Variants in MSH5 observed in about 807,000 individuals in gnomAD.
MSH5 encodes the protein mutS homolog 5.
Under a neutral mutation model 107.7 loss-of-function variants are expected in MSH5, and 78 were observed. That is an observed-to-expected ratio of 0.72 (90% CI 0.60 to 0.87). The LOEUF is 0.87. MSH5 is among the 40% of genes least tolerant of loss of function. The pLI is 0.00. For missense variants in MSH5, 889 were observed against 1,046.6 expected (o/e 0.85, Z 2.08); for synonymous variants, 326 against 399.5 (o/e 0.82, Z 2.19).
At chr6:31,742,094 A>G (rs2151333199) in intron 3 of MSH5, among the ~76,000 whole-genome samples, 1 of 152,250 alleles carries the variant, frequency 6.6e-6, no homozygotes, top group South Asian at 2.1e-4. Context: ...ACACTATCAC[A>G]CTGGGGATTA....
At chr6:31,750,510 T>C (rs1809855163) in intron 10 of MSH5, among the ~76,000 whole-genome samples, 1 of 152,256 alleles carries the variant, frequency 6.6e-6, no homozygotes, top group Non-Finnish European at 1.5e-5. Context: ...TTGCTTATCT[T>C]TTAACGGTTT....
intron 5 of MSH5, 63 bp downstream of exon 5, chr6:31,743,233 C>CT: frequency 6.6e-7 from 1 of 1,521,794 alleles, no homozygotes; most frequent in Non-Finnish European, 9.1e-7. Context: ...TCCCCCAACT[C>CT]TACCTTCATC....
Position 31,741,385 on chromosome 6 carries a change from AT to A in MSH5, c.271+109del, listed in dbSNP as rs1226602653. ...CACACACACACACACACACACACAT[AT>A]TTTTTTTTTCTAGACAGAGTCTTGC... On this transcript the variant is annotated intron_variant, in intron 3 of 24. Transcript: ENST00000375750. The A allele has an allele frequency of 2.8e-3, 2,904 of 1,043,562 alleles. 14 individuals carry two copies. Among genetic ancestry groups the A allele is most frequent in the Middle Eastern group, 8.1e-3 (21 of 2,588 alleles). 64.6% of individuals were successfully genotyped at this position (1,043,562 alleles called of 1,614,324 possible). A position where few individuals can be genotyped will look rare whatever the true frequency, so the allele number is the denominator to read the frequency against.
rs1810788695 is a variant in MSH5, at chr6:31,759,680, C to T, written c.1496-106C>T. 2.1e-6 allele frequency: 3 copies of T among 1,398,998 alleles called. No homozygotes were observed. Among genetic ancestry groups the T allele is most frequent in the Non-Finnish European group, 3.0e-6 (3 of 1,011,320 alleles). The allele number at this position is 1,398,998 out of a possible 1,614,324, so 86.7% of individuals were successfully genotyped here. A position where few individuals can be genotyped will look rare whatever the true frequency, so the allele number is the denominator to read the frequency against. On this transcript the variant is annotated intron_variant, in intron 17 of 24. Coordinates refer to ENST00000375750, the MANE Select transcript of MSH5 (RefSeq NM_172166.4). This position sits in a 1 kb window ranked among gnomAD's most constrained non-coding sequence, Gnocchi z 4.7. ...TCTTTTCCTCTGAATGTCTTGAGGT[C>T]TCAGATTGTATCTGCAACCTGTTTC...
chr6:31,742,456 C>G (rs1281316119), intron 3 of MSH5, among the ~76,000 whole-genome samples: 1 of 152,210 alleles, frequency 6.6e-6, no homozygotes, highest in African/African-American at 2.4e-5. Context: ...CAGGGTTTCA[C>G]CACGTTGGCT....
intron 10 of MSH5, among the ~76,000 whole-genome samples, chr6:31,749,344 C>T (rs1809749854): frequency 6.6e-6 from 1 of 152,034 alleles, no homozygotes; most frequent in African/African-American, 2.4e-5. Flanking sequence ...GAGTTCAAGA[C>T]CAGCCTGGCC....
intron 10 of MSH5, among the ~76,000 whole-genome samples, chr6:31,749,726 G>A (rs1352151200): frequency 6.6e-6 from 1 of 152,038 alleles, no homozygotes; most frequent in Non-Finnish European, 1.5e-5. Flanking sequence ...TGCCTCCATA[G>A]CTATGAACTC....
Position 31,743,946 on chromosome 6 carries a change from C to G in MSH5, c.458C>G (p.Ser153Cys). The G allele has an allele frequency of 1.2e-6, 2 of 1,613,668 alleles. No homozygotes were observed. Among genetic ancestry groups the G allele is most frequent in the Non-Finnish European group, 1.7e-6 (2 of 1,180,034 alleles). The change falls in exon 6 of 25, where the codon TCC becomes TGC. Residue 153 changes from serine to cysteine, a missense_variant. Physicochemically the swap from Ser to Cys is moderately radical, Grantham distance 112 (BLOSUM62 -1). Around this residue, in one of 3 missense-constraint regions of MSH5, gnomAD observed 518 missense variants for 565.0 expected, o/e 0.92. Coordinates refer to ENST00000375750, the MANE Select transcript of MSH5 (RefSeq NM_172166.4). The part of the protein sequence containing the change: ...SKQRLLSGNY[S>C]FIPDAMTATE... ...CAACGCCTCCTTTCTGGAAACTACT[C>G]CTTCATCCCAGACGCCATGACTGCC...
Position 31,740,397 on chromosome 6 carries a change from C to T in MSH5, c.-13-57C>T. 2.0e-6 allele frequency: 3 copies of T among 1,525,528 alleles called. No homozygotes were observed. The highest frequency in any genetic ancestry group is 2.6e-6 in the Non-Finnish European group (3 of 1,134,072). 94.5% of individuals were successfully genotyped at this position (1,525,528 alleles called of 1,614,324 possible). On this transcript the variant is annotated intron_variant, in intron 1 of 24. Transcript: ENST00000375750. This position sits in a 1 kb window ranked among gnomAD's most constrained non-coding sequence, Gnocchi z 4.4. ...CTTTGCATTCTGCGCGCCACCCTAC[C>T]CCGGCCTCCTCTGTGAATCGTTGCT...
chr6:31,743,000 A>G (rs1809051963), intron 4 of MSH5, 43 bp downstream of exon 4: 1 of 1,609,398 alleles, frequency 6.2e-7, no homozygotes, highest in South Asian at 1.1e-5. Context: ...GGGAAGGACT[A>G]ATATATGGAA....
rs1459783892 is a variant in MSH5, at chr6:31,741,012, T to TA, written c.148-150dup. On this transcript the variant is annotated intron_variant, in intron 2 of 24. Coordinates refer to ENST00000375750, the MANE Select transcript of MSH5 (RefSeq NM_172166.4). Reference sequence around the variant, plus strand: ...GTTGGGAAGAGCTGGGCAAGTCTCTTACCTCCTGAGTGGCTGTTTCACATT... The same window carrying TA: ...GTTGGGAAGAGCTGGGCAAGTCTCTTAACCTCCTGAGTGGCTGTTTCACATT... 3.1e-6 allele frequency: 3 copies of TA among 969,148 alleles called. No homozygotes were observed. In the African/African-American group the frequency reaches 5.0e-5, roughly 16 times the overall value. The allele number at this position is 969,148 out of a possible 1,614,324, so 60.0% of individuals were successfully genotyped here.
rs574559530 is a variant in MSH5 at position 31,758,076 on chromosome 6, A to G, written c.1015-89A>G. On this transcript the variant is annotated intron_variant, in intron 12 of 24. Transcript: ENST00000375750. The surrounding 1 kb of genome is among the most constrained non-coding windows in gnomAD (Gnocchi z 5.1). ...CCTCTTTGTTACTGTGATCTTCCCT[A>G]CTGGTCTTTGTTCTTCTGAGTCTGT... 5.3e-6 allele frequency: 8 copies of G among 1,518,068 alleles called. No individual in the cohort carries two copies. The East Asian group carries it at 1.1e-4, about 22-fold the overall frequency. The allele number at this position is 1,518,068 out of a possible 1,614,324, so 94.0% of individuals were successfully genotyped here. A position where few individuals can be genotyped will look rare whatever the true frequency, so the allele number is the denominator to read the frequency against.
At chr6:31,754,440 G>A (rs182161450) in intron 12 of MSH5, among the ~76,000 whole-genome samples, 6 of 152,142 alleles carry the variant, frequency 3.9e-5, no homozygotes, top group Non-Finnish European at 5.9e-5. Context: ...GGGAGCCACC[G>A]TGCCCAGCCT....
chr6:31,745,411 C>A, intron 9 of MSH5, 92 bp downstream of exon 9: 1 of 853,876 alleles, frequency 1.2e-6, no homozygotes, highest in Non-Finnish European at 1.9e-6. Context: ...CTTCCCACTT[C>A]ACTCCCATTG....
At chr6:31,750,114 G>A (rs1475075914) in intron 10 of MSH5, among the ~76,000 whole-genome samples, 2 of 152,166 alleles carry the variant, frequency 1.3e-5, no homozygotes, top group Admixed American at 1.3e-4. Flanking sequence ...GGAGGAATGC[G>A]TATTCCCCAA....
intron 12 of MSH5, among the ~76,000 whole-genome samples, chr6:31,754,675 C>G (rs1254072870): frequency 6.6e-6 from 1 of 151,636 alleles, no homozygotes; most frequent in African/African-American, 2.4e-5. Context: ...CTGCACCTGG[C>G]TTTCTTGGAT....
chr6:31,760,785 T>C lies in MSH5; in HGVS notation c.1908T>C (p.His636=). ...GAVDAIFTRI[H]SCESISLGLS... is the part of the protein sequence containing the mutation. Reference sequence around the variant, plus strand: ...TAGACGCCATCTTCACACGAATTCATAGCTGCGAATCCATCTCCCTTGGCC... The same window carrying C: ...TAGACGCCATCTTCACACGAATTCACAGCTGCGAATCCATCTCCCTTGGCC... Residue 636 remains histidine, a synonymous_variant, in exon 20 of 25, where the codon CAT becomes CAC. Transcript: ENST00000375750. This position sits in a 1 kb window ranked among gnomAD's most constrained non-coding sequence, Gnocchi z 5.6. The C allele has an allele frequency of 6.2e-7, 1 of 1,612,986 alleles. No individual in the cohort carries two copies.
chr6:31,747,093 A>G (rs994780223), intron 9 of MSH5, among the ~76,000 whole-genome samples: 5 of 152,358 alleles, frequency 3.3e-5, no homozygotes, highest in South Asian at 2.1e-4. Flanking sequence ...TGCTGGGATT[A>G]CAGGCGTGAG....
intron 3 of MSH5, among the ~76,000 whole-genome samples, chr6:31,742,511 G>A (rs997860574): frequency 6.6e-6 from 1 of 152,200 alleles, no homozygotes; most frequent in Non-Finnish European, 1.5e-5. Flanking sequence ...GCCTGCCTTG[G>A]CCTCCCAAAG....
Sources: gnomAD v4.1 joint callset for allele counts (sites outside exome capture counted in the v4.1 genomes callset) on GRCh38, gnomAD v4.1.1 for gene constraint, gnomAD v4.1.1 regional missense constraint, Gnocchi (gnomAD v3.1) non-coding constraint, MANE v1.5 for transcripts, NCBI Gene and HGNC (gene_info 2026-07-23, HGNC 2026-07-21) for gene names.